ELOVL2: variants seen among roughly 807,000 people sequenced by gnomAD.
ELOVL2 encodes the protein very long chain fatty acid elongase 2.
ELOVL2 carries 38 observed loss-of-function variants against 37.7 expected under a neutral mutation model. The observed-to-expected ratio is 1.01, with a 90% CI of 0.78 to 1.32. The LOEUF (loss-of-function observed/expected upper bound fraction) is 1.32. Ranked by LOEUF, ELOVL2 falls within the 40% of genes most tolerant of loss-of-function variation. ELOVL2 has a pLI of 0.00. For missense variants in ELOVL2, 352 were observed against 363.6 expected (o/e 0.97, Z 0.26); for synonymous variants, 115 against 122.3 (o/e 0.94, Z 0.40).
chr6:10,990,749 G>A (rs929136517), intron 5 of ELOVL2, among the ~76,000 whole-genome samples: 1 of 151,970 alleles, frequency 6.6e-6, no homozygotes, highest in African/African-American at 2.4e-5. Flanking sequence ...AGCTACTGAG[G>A]GAGGAAAAGA....
intron 1 of ELOVL2, among the ~76,000 whole-genome samples, chr6:11,019,662 G>A (rs1386833803): frequency 6.6e-6 from 1 of 150,474 alleles, no homozygotes; most frequent in Admixed American, 6.6e-5. Flanking sequence ...GGAGGATAGT[G>A]GGCATGGGGA....
chr6:11,037,186 GGAAA>G (rs1446720099), intron 1 of ELOVL2, among the ~76,000 whole-genome samples: 1 of 150,138 alleles, frequency 6.7e-6, no homozygotes, highest in African/African-American at 2.5e-5. Flanking sequence ...AGGCAGAGAG[GGAAA>G]GAGAGAGGCA....
At chr6:11,042,677 C>T (rs116282191) in intron 1 of ELOVL2, among the ~76,000 whole-genome samples, 2 of 152,028 alleles carry the variant, frequency 1.3e-5, no homozygotes, top group African/African-American at 4.8e-5. Context: ...GAGATAGCCG[C>T]CTAGACTCGT....
At chr6:10,994,895 T>C in intron 5 of ELOVL2, 112 bp downstream of exon 5, 1 of 861,098 alleles carries the variant, frequency 1.2e-6, no homozygotes, top group Non-Finnish European at 1.7e-6. Context: ...AGGCCGGCGC[T>C]CTAGGCCTCC....
At chr6:11,009,245 G>T (rs1782529849) in intron 2 of ELOVL2, among the ~76,000 whole-genome samples, 1 of 152,098 alleles carries the variant, frequency 6.6e-6, no homozygotes, top group South Asian at 2.1e-4. Context: ...GACCCCTCTG[G>T]ATGCCTGAGC....
intron 1 of ELOVL2, among the ~76,000 whole-genome samples, chr6:11,032,880 A>G (rs1782952759): frequency 6.6e-6 from 1 of 152,208 alleles, no homozygotes; most frequent in Non-Finnish European, 1.5e-5. Flanking sequence ...ACATACTAAC[A>G]TATGGTATTC....
chr6:10,985,028 G>T (rs2113460934), intron 7 of ELOVL2, among the ~76,000 whole-genome samples: 1 of 152,220 alleles, frequency 6.6e-6, no homozygotes, highest in Admixed American at 6.5e-5. Flanking sequence ...AGCACCTGTT[G>T]TTTCCTGACT....
At chr6:11,016,283 C>CT (rs1782684424) in intron 1 of ELOVL2, among the ~76,000 whole-genome samples, 3 of 139,948 alleles carry the variant, frequency 2.1e-5, no homozygotes, top group Non-Finnish European at 3.1e-5. Context: ...GATGTTTGCC[C>CT]TGTTTTGTTG....
At chr6:10,994,310 TAC>T (rs1782223978) in intron 5 of ELOVL2, among the ~76,000 whole-genome samples, 1 of 151,458 alleles carries the variant, frequency 6.6e-6, no homozygotes, top group Non-Finnish European at 1.5e-5. Context: ...CTACTAAAAA[TAC>T]AAAAAATTAG....
At position 10,989,687 on chromosome 6, in the gene ELOVL2, T is replaced by C. The variant is rs142015775; in HGVS notation, c.765+16A>G. 1 of 1,610,890 alleles carries C rather than the reference T, an allele frequency of 6.2e-7. No homozygotes were observed. Among genetic ancestry groups the C allele is most frequent in the African/African-American group, 1.3e-5 (1 of 74,868 alleles). ...ATCGATTACATTTTACTGCTGAATATTTACATTCCACGTACCTGAACGTAA... is the reference window on the plus strand; with the variant it reads ...ATCGATTACATTTTACTGCTGAATACTTACATTCCACGTACCTGAACGTAA... On this transcript the variant is annotated intron_variant, in intron 7 of 7. Transcript: ENST00000354666.
intron 5 of ELOVL2, among the ~76,000 whole-genome samples, chr6:10,992,062 C>CTT (rs1299667957): frequency 6.6e-6 from 1 of 152,192 alleles, no homozygotes; most frequent in Non-Finnish European, 1.5e-5. Context: ...CATAAAAATA[C>CTT]TTAACCTTGG....
At chr6:11,021,433 T>C (rs987350485) in intron 1 of ELOVL2, among the ~76,000 whole-genome samples, 1 of 152,252 alleles carries the variant, frequency 6.6e-6, no homozygotes, top group Non-Finnish European at 1.5e-5. Context: ...GGTCCACTTT[T>C]GACCTCTTTT....
chr6:11,044,103 C>T lies in ELOVL2; in HGVS notation c.3+125G>A. 1 of 1,220,964 alleles carries T rather than the reference C, an allele frequency of 8.2e-7. No individual in the cohort carries two copies. The highest frequency in any genetic ancestry group is 1.1e-6 in the Non-Finnish European group (1 of 947,376). 75.6% of individuals were successfully genotyped at this position (1,220,964 alleles called of 1,614,324 possible). On this transcript the variant is annotated intron_variant, in intron 1 of 7. Coordinates refer to ENST00000354666, the MANE Select transcript of ELOVL2 (RefSeq NM_017770.4). The surrounding 1 kb of genome is among the most constrained non-coding windows in gnomAD (Gnocchi z 5.6). ...GCGGACCCGGCCCCTCCGAGGGTAG[C>T]GGGTTCCAGCGGCGAACCCGCAGCG...
intron 1 of ELOVL2, among the ~76,000 whole-genome samples, chr6:11,036,161 C>G (rs1161044503): frequency 2.0e-5 from 3 of 152,196 alleles, no homozygotes; most frequent in African/African-American, 7.2e-5. Flanking sequence ...TAGGGTGTTT[C>G]TGCTTACTTT....
At chr6:11,013,782 T>C (rs1390508245) in intron 1 of ELOVL2, among the ~76,000 whole-genome samples, 1 of 151,822 alleles carries the variant, frequency 6.6e-6, no homozygotes, top group Non-Finnish European at 1.5e-5. Flanking sequence ...AGTATAGCCC[T>C]TAGACCTGAG....
At position 11,005,301 on chromosome 6, in the gene ELOVL2, T is replaced by TA; in HGVS notation, c.255+70dup. On this transcript the variant is annotated intron_variant, in intron 3 of 7. Transcript: ENST00000354666. ...GTAACCTTGCATAGTTCTGCCAGGC[T>TA]AGATGTGGTTGTTTCTGTTAATAAA... 4.4e-6 allele frequency: 6 copies of TA among 1,359,122 alleles called. No individual in the cohort carries two copies. In the South Asian group the frequency reaches 8.2e-5, roughly 19 times the overall value. The allele number at this position is 1,359,122 out of a possible 1,614,324, so 84.2% of individuals were successfully genotyped here. A position where few individuals can be genotyped will look rare whatever the true frequency, so the allele number is the denominator to read the frequency against.
intron 1 of ELOVL2, among the ~76,000 whole-genome samples, chr6:11,035,776 A>G (rs2113565028): frequency 6.6e-6 from 1 of 152,352 alleles, no homozygotes; most frequent in African/African-American, 2.4e-5. Context: ...CTTGTGAAGT[A>G]TGCTTGCACT....
chr6:11,027,042 T>G (rs1351587221), intron 1 of ELOVL2, among the ~76,000 whole-genome samples: 1 of 152,202 alleles, frequency 6.6e-6, no homozygotes, highest in African/African-American at 2.4e-5. Context: ...GATATATCTC[T>G]TGAACCTCCT....
Position 10,989,787 on chromosome 6 carries a change from C to T in ELOVL2, c.681G>A (p.Pro227=), listed in dbSNP as rs370449407. 5.2e-5 allele frequency: 84 copies of T among 1,614,046 alleles called. No homozygotes were observed. The highest frequency in any genetic ancestry group is 8.3e-5 in the Admixed American group (5 of 60,002). ...ITHTMSAVVK[P]CGFPFGCLIF... is the part of the protein sequence containing the mutation. ...TGAGACAACCGAAGGGGAAGCCACA[C>T]GGTTTCACGACGGCGCTCATGGTGT... The change falls in exon 7 of 8, where the codon CCG becomes CCA. Residue 227 remains proline, a synonymous_variant. Transcript: ENST00000354666.
Sources: allele counts gnomAD v4.1 joint callset (sites outside exome capture counted in the v4.1 genomes callset), GRCh38; gene constraint gnomAD v4.1.1; non-coding constraint Gnocchi (gnomAD v3.1); transcripts MANE v1.5; gene names NCBI Gene and HGNC (gene_info 2026-07-23, HGNC 2026-07-21).